NSUN2: variants seen among roughly 807,000 people sequenced by gnomAD.
NSUN2 encodes the protein NOP2/Sun RNA methyltransferase 2.
NSUN2 carries 63 observed loss-of-function variants against 92.7 expected under a neutral mutation model. That is an observed-to-expected ratio of 0.68 (90% CI 0.56 to 0.84). NSUN2 has a LOEUF of 0.84. Among genes scored for constraint, NSUN2 ranks in the 40% least tolerant of loss-of-function variants. The probability of loss-of-function intolerance (pLI) is 0.00; values close to 1 mark genes in which losing one functional copy is unlikely to be tolerated. For synonymous variants in NSUN2, 356 were observed against 348.3 expected, an observed-to-expected ratio of 1.02 and a Z score of -0.25; for missense variants, 989 against 964.9, an observed-to-expected ratio of 1.02 and a Z score of -0.33.
chr5:6,614,467 G>A (rs115325824), intron 9 of NSUN2, among the ~76,000 whole-genome samples: 2,358 of 152,106 alleles, frequency 0.016, 62 homozygotes, highest in African/African-American at 0.054. Flanking sequence ...CTTAACTTTC[G>A]AACATGGTGC....
At chr5:6,621,824 G>A (rs543260466) in intron 6 of NSUN2, 192 bp downstream of exon 6, 2 of 551,744 alleles carry the variant, frequency 3.6e-6, no homozygotes, top group East Asian at 5.9e-5. Context: ...CCCATGGTAT[G>A]AGTGTGTTTG....
rs1414133347 is a variant in NSUN2 at position 6,616,753 on chromosome 5, A to G, written c.995T>C (p.Ile332Thr). ...TTCACTTTTTTCCAGTAAAGATGCT[A>G]TGACTGCTTCATCCTCAATAGGGTT... ...SLNPIEDEAV[I>T]ASLLEKSEGA... Residue 332 changes from isoleucine (I) to threonine (T), a missense_variant, in exon 9 of 19, where the codon ATA (isoleucine) becomes ACA (threonine). Around this residue, in one of 3 missense-constraint regions of NSUN2, gnomAD observed 626 missense variants for 602.3 expected, o/e 1.04. Transcript: ENST00000264670. The G allele has an allele frequency of 1.3e-6, 2 of 1,495,296 alleles. No individual in the cohort carries two copies. The highest frequency in any genetic ancestry group is 2.5e-5 in the East Asian group (1 of 40,482). The allele number at this position is 1,495,296 out of a possible 1,614,324, so 92.6% of individuals were successfully genotyped here. A position where few individuals can be genotyped will look rare whatever the true frequency, so the allele number is the denominator to read the frequency against.
chr5:6,614,670 G>A (rs2126488092), intron 9 of NSUN2, among the ~76,000 whole-genome samples: 1 of 152,268 alleles, frequency 6.6e-6, no homozygotes, highest in Middle Eastern at 3.4e-3. Flanking sequence ...AATGGGTGAG[G>A]GTGGCAGAAG....
intron 1 of NSUN2, 26 bp downstream of exon 1, chr5:6,632,858 C>A: frequency 1.3e-6 from 2 of 1,539,084 alleles, no homozygotes; most frequent in Non-Finnish European, 1.7e-6. Flanking sequence ...GAGCCCCTGG[C>A]CCGCCCGCCG....
At chr5:6,621,574 C>G (rs1737444433) in intron 6 of NSUN2, 1 of 153,852 alleles carries the variant, frequency 6.5e-6, no homozygotes, top group Non-Finnish European at 1.4e-5. Flanking sequence ...TGGTGAAACC[C>G]CGTCTCTACT....
At chr5:6,617,787 A>G (rs1286218284) in intron 8 of NSUN2, among the ~76,000 whole-genome samples, 163 bp downstream of exon 8, 1 of 152,260 alleles carries the variant, frequency 6.6e-6, no homozygotes, top group East Asian at 1.9e-4. Flanking sequence ...ATTGCTCTTG[A>G]AAGGTTTTCA....
chr5:6,622,698 T>C (rs753262610), intron 5 of NSUN2, among the ~76,000 whole-genome samples: 3 of 151,710 alleles, frequency 2.0e-5, no homozygotes, highest in Admixed American at 6.6e-5. Context: ...AAATACAAAA[T>C]TAGCAGGGTG....
At chr5:6,610,002 T>C (rs1045498498) in intron 11 of NSUN2, 80 bp from the exon 12 acceptor site, 9 of 950,136 alleles carry the variant, frequency 9.5e-6, no homozygotes, top group Non-Finnish European at 1.4e-5. Flanking sequence ...ACCGCAAAGA[T>C]GATACAAGAG....
chr5:6,631,701 A>C (rs542999467), intron 3 of NSUN2, among the ~76,000 whole-genome samples, 172 bp downstream of exon 3: 2 of 152,396 alleles, frequency 1.3e-5, no homozygotes, highest in East Asian at 3.9e-4. Context: ...AATCGCATGA[A>C]AACTTGCGTA....
At chr5:6,602,897 T>C (rs1012469336) in intron 17 of NSUN2, among the ~76,000 whole-genome samples, 4 of 152,210 alleles carry the variant, frequency 2.6e-5, no homozygotes, top group Admixed American at 2.6e-4. Flanking sequence ...ACTGCAATCA[T>C]CTAAGTGCAG....
chr5:6,612,077 A>T (rs1737016669), intron 9 of NSUN2, among the ~76,000 whole-genome samples: 1 of 152,210 alleles, frequency 6.6e-6, no homozygotes, highest in Non-Finnish European at 1.5e-5. Context: ...AGGCGCTGCC[A>T]ACTGAGTAAA....
At chr5:6,626,685 G>A (rs1737671155) in intron 3 of NSUN2, among the ~76,000 whole-genome samples, 8 of 152,132 alleles carry the variant, frequency 5.3e-5, no homozygotes, top group Admixed American at 3.3e-4. Context: ...CACCTATACA[G>A]GCATCTGCAC....
In NSUN2 at chr5:6,623,272, CG is replaced by C. The variant is rs1560983289; in HGVS notation, c.478del (p.Arg160ValfsTer7). On this transcript the variant is annotated frameshift_variant, in exon 5 of 19. Transcript: ENST00000264670. LOFTEE classifies it high-confidence loss of function. ...TGGGATCATGCTAACAGCTTCTTGA[CG>C]ACTAATATTTCCCTTGAGGAAAAAA... ...VSETESGNIS[R>X]QEAVSMIPPL... 1 of 1,587,838 alleles carries C rather than the reference CG, an allele frequency of 6.3e-7. No homozygotes were observed. Among genetic ancestry groups the C allele is most frequent in the Non-Finnish European group, 8.5e-7 (1 of 1,173,112 alleles).
chr5:6,604,424 C>A lies in NSUN2; in HGVS notation c.1819-148G>T, dbSNP rs576043947. ...CCTTGGACAGGTGTGGAACCCACCC[C>A]CCCCTAGGAGGGGAAACCAGCACTC... On this transcript the variant is annotated intron_variant, in intron 16 of 18. Coordinates refer to ENST00000264670, the MANE Select transcript of NSUN2 (RefSeq NM_017755.6). The A allele has an allele frequency of 5.4e-6, 5 of 923,556 alleles. No homozygotes were observed. The African/African-American group carries it at 8.3e-5, about 15-fold the overall frequency. 57.2% of individuals were successfully genotyped at this position (923,556 alleles called of 1,614,324 possible). A position where few individuals can be genotyped will look rare whatever the true frequency, so the allele number is the denominator to read the frequency against.
chr5:6,632,176 C>T (rs1371957462), intron 2 of NSUN2, among the ~76,000 whole-genome samples, 199 bp from the exon 3 acceptor site: 2 of 150,966 alleles, frequency 1.3e-5, no homozygotes, highest in East Asian at 2.0e-4. Flanking sequence ...AAGAGCAACA[C>T]TGCATTCCTT....
chr5:6,632,273 A>T (rs114974994), intron 2 of NSUN2, among the ~76,000 whole-genome samples: 2 of 152,236 alleles, frequency 1.3e-5, no homozygotes, highest in Non-Finnish European at 2.9e-5. Context: ...GGCGCGGAGG[A>T]GGGGAGAACC....
rs922133156 is a variant in NSUN2 at position 6,621,774 on chromosome 5, G to A, written c.622+242C>T. On this transcript the variant is annotated intron_variant, in intron 6 of 18. Transcript: ENST00000264670. ...AAAAAAAAAAAAAGAAATGCCATTCGTTTTTATAGAAAACACACATAATTC... is the reference window on the plus strand; with the variant it reads ...AAAAAAAAAAAAAGAAATGCCATTCATTTTTATAGAAAACACACATAATTC... 2.5e-5 allele frequency: 10 copies of A among 395,462 alleles called. 1 individual carries two copies. Among genetic ancestry groups the A allele is most frequent in the Middle Eastern group, 1.3e-3 (2 of 1,508 alleles). The allele number at this position is 395,462 out of a possible 1,614,324, so 24.5% of individuals were successfully genotyped here. A position where few individuals can be genotyped will look rare whatever the true frequency, so the allele number is the denominator to read the frequency against.
In NSUN2 at chr5:6,620,300, T is replaced by C; in HGVS notation, c.623-2A>G. Reference sequence around the variant, plus strand: ...CATCATTCGCAATAACAAATCCCTCTGAAGGCACAGAATTGCAGTGTCAGG... The same window carrying C: ...CATCATTCGCAATAACAAATCCCTCCGAAGGCACAGAATTGCAGTGTCAGG... On this transcript the variant is annotated splice_acceptor_variant, in intron 6 of 18. Transcript: ENST00000264670. LOFTEE classifies it high-confidence loss of function. 6.3e-7 allele frequency: 1 copy of C among 1,575,904 alleles called. No homozygotes were observed. Among genetic ancestry groups the C allele is most frequent in the Non-Finnish European group, 8.6e-7 (1 of 1,161,364 alleles).
At chr5:6,628,638 T>C (rs2045429654) in intron 3 of NSUN2, among the ~76,000 whole-genome samples, 1 of 152,208 alleles carries the variant, frequency 6.6e-6, no homozygotes, top group South Asian at 2.1e-4. Flanking sequence ...ATACAGAAAA[T>C]TACCAGAAGT....
Sources: gnomAD v4.1 joint callset for allele counts (sites outside exome capture counted in the v4.1 genomes callset) on GRCh38, gnomAD v4.1.1 for gene constraint, gnomAD v4.1.1 regional missense constraint, MANE v1.5 for transcripts, NCBI Gene and HGNC (gene_info 2026-07-23, HGNC 2026-07-21) for gene names.